LSAMP: variants seen among roughly 807,000 people sequenced by gnomAD.
LSAMP encodes the protein limbic system associated membrane protein, also known as limbic system-associated membrane protein.
LSAMP carries 7 observed loss-of-function variants against 38.6 expected under a neutral mutation model. The ratio of observed to expected loss-of-function variants is 0.18; its 90% confidence interval spans 0.10 to 0.34. LSAMP has a LOEUF of 0.34. Among genes scored for constraint, LSAMP ranks in the 10% least tolerant of loss-of-function variants. LSAMP has a pLI of 1.00. For synonymous variants in LSAMP, 154 were observed against 166.8 expected (o/e 0.92, Z 0.59); for missense variants, 313 against 420.0 (o/e 0.75, Z 2.23).
chr3:116,032,795 C>T (rs930000740), intron 2 of LSAMP, among the ~76,000 whole-genome samples: 1 of 151,966 alleles, frequency 6.6e-6, no homozygotes, highest in African/African-American at 2.4e-5. Context: ...AAAGAAGACC[C>T]TGTCTCCAAA....
At chr3:115,885,254 C>G (rs1326783759) in intron 3 of LSAMP, among the ~76,000 whole-genome samples, 15 of 151,874 alleles carry the variant, frequency 9.9e-5, no homozygotes, top group Non-Finnish European at 1.5e-5. Context: ...TGTTTCATTC[C>G]TCTTTAGGAG....
intron 1 of LSAMP, among the ~76,000 whole-genome samples, chr3:116,424,023 G>A (rs911640640): frequency 1.3e-5 from 2 of 152,110 alleles, no homozygotes; most frequent in South Asian, 4.1e-4. Context: ...AATAGAGAGA[G>A]GAAAAACAAG....
At chr3:116,129,715 G>A (rs1285426278) in intron 1 of LSAMP, among the ~76,000 whole-genome samples, 2 of 152,226 alleles carry the variant, frequency 1.3e-5, no homozygotes, top group Admixed American at 1.3e-4. Flanking sequence ...CTTGGTCAGT[G>A]GAAGAATGAA....
At chr3:116,428,049 C>G (rs2049227226) in intron 1 of LSAMP, among the ~76,000 whole-genome samples, 1 of 152,184 alleles carries the variant, frequency 6.6e-6, no homozygotes, top group African/African-American at 2.4e-5. Context: ...TGTTCCCCAT[C>G]TTTGCCATGT....
chr3:116,021,377 A>G (rs934509552), intron 2 of LSAMP, among the ~76,000 whole-genome samples: 2 of 152,138 alleles, frequency 1.3e-5, no homozygotes, highest in Admixed American at 6.6e-5. Context: ...CCCACCAAGA[A>G]CTATGGCTGG....
chr3:115,959,978 T>C (rs1001601268), intron 3 of LSAMP, among the ~76,000 whole-genome samples: 3 of 152,108 alleles, frequency 2.0e-5, no homozygotes, highest in African/African-American at 4.8e-5. Context: ...AGAGAGTCCA[T>C]GGGGAGATGG....
chr3:115,883,103 A>G (rs1936363692), intron 3 of LSAMP, among the ~76,000 whole-genome samples: 1 of 152,062 alleles, frequency 6.6e-6, no homozygotes, highest in South Asian at 2.1e-4. Flanking sequence ...GTTCCACTAA[A>G]TTCCAAAGCA....
chr3:116,377,239 C>T (rs891039512), intron 1 of LSAMP, among the ~76,000 whole-genome samples: 3 of 151,932 alleles, frequency 2.0e-5, no homozygotes, highest in African/African-American at 7.2e-5. Flanking sequence ...CCAACCCCAC[C>T]CTTCAACAGG....
intron 1 of LSAMP, among the ~76,000 whole-genome samples, chr3:116,318,634 T>C (rs1406578273): frequency 6.6e-6 from 1 of 152,206 alleles, no homozygotes; most frequent in African/African-American, 2.4e-5. Flanking sequence ...TAATTAAACA[T>C]AACGCAGCTA....
intron 3 of LSAMP, among the ~76,000 whole-genome samples, chr3:115,914,199 G>A (rs939826512): frequency 1.3e-5 from 2 of 152,114 alleles, no homozygotes; most frequent in Non-Finnish European, 2.9e-5. Context: ...TCTTTGCGTC[G>A]ATGTTGACTT....
chr3:116,037,396 G>A (rs1448844715), intron 2 of LSAMP, among the ~76,000 whole-genome samples: 1 of 152,068 alleles, frequency 6.6e-6, no homozygotes, highest in Non-Finnish European at 1.5e-5. Context: ...AGTTATCTAA[G>A]AGCAGTCCCA....
At chr3:116,391,296 C>T (rs1053410260) in intron 1 of LSAMP, among the ~76,000 whole-genome samples, 1 of 151,060 alleles carries the variant, frequency 6.6e-6, no homozygotes, top group East Asian at 2.0e-4. Context: ...CTGTGCCCCG[C>T]CCCCCCCGTG....
chr3:116,208,399 C>T (rs1469547232), intron 1 of LSAMP, among the ~76,000 whole-genome samples: 1 of 152,158 alleles, frequency 6.6e-6, no homozygotes, highest in Non-Finnish European at 1.5e-5. Flanking sequence ...CTTCTCTCAG[C>T]TCATCAAAGT....
At chr3:116,122,521 A>G (rs754245015) in intron 1 of LSAMP, among the ~76,000 whole-genome samples, 3 of 152,116 alleles carry the variant, frequency 2.0e-5, no homozygotes, top group African/African-American at 4.8e-5. Context: ...TTCAATACTT[A>G]TTATTTGTTA....
chr3:116,072,976 T>C (rs926752768), intron 2 of LSAMP, among the ~76,000 whole-genome samples: 12 of 152,196 alleles, frequency 7.9e-5, no homozygotes, highest in African/African-American at 2.9e-4. Context: ...ATAAAATCTT[T>C]GCTTCTGCCT....
intron 1 of LSAMP, among the ~76,000 whole-genome samples, chr3:116,153,252 T>A (rs1709652997): frequency 6.6e-6 from 1 of 152,092 alleles, no homozygotes; most frequent in African/African-American, 2.4e-5. Flanking sequence ...CTATTATCTT[T>A]TGGCTCACTC....
intron 1 of LSAMP, among the ~76,000 whole-genome samples, chr3:116,283,957 G>C (rs2047161698): frequency 1.3e-5 from 2 of 152,030 alleles, no homozygotes; most frequent in Non-Finnish European, 2.9e-5. Flanking sequence ...AGTGAGCCGA[G>C]GTTGCGCCAC....
intron 4 of LSAMP, among the ~76,000 whole-genome samples, chr3:115,844,770 A>C (rs539641224): frequency 3.0e-4 from 46 of 152,278 alleles, no homozygotes; most frequent in African/African-American, 1.0e-3. Flanking sequence ...TGAGGTCAGG[A>C]GTTTGAGACC....
chr3:116,268,887 C>A (rs2046931904), intron 1 of LSAMP, among the ~76,000 whole-genome samples: 1 of 151,926 alleles, frequency 6.6e-6, no homozygotes, highest in Admixed American at 6.6e-5. Context: ...GGGATTTGAA[C>A]AGTCGGTGAA....
Sources: gnomAD v4.1 joint callset for allele counts (sites outside exome capture counted in the v4.1 genomes callset) on GRCh38, gnomAD v4.1.1 for gene constraint, MANE v1.5 for transcripts, NCBI Gene and HGNC (gene_info 2026-07-23, HGNC 2026-07-21) for gene names.